Variants in SLC25A21 observed in about 807,000 individuals in gnomAD.
SLC25A21 encodes solute carrier family 25 member 21.
In SLC25A21, 47 loss-of-function variants were observed where a neutral mutation model predicts 43.8. The ratio of observed to expected loss-of-function variants is 1.07; its 90% confidence interval spans 0.85 to 1.37. The LOEUF (loss-of-function observed/expected upper bound fraction) is 1.37, where lower values mean the gene tolerates loss of function less well. Among genes scored for constraint, SLC25A21 ranks in the 40% most tolerant of loss-of-function variants. The probability of loss-of-function intolerance (pLI) is 0.00; values close to 1 mark genes in which losing one functional copy is unlikely to be tolerated. For missense variants in SLC25A21, 352 were observed against 350.2 expected (o/e 1.00, Z -0.04); for synonymous variants, 131 against 121.3 (o/e 1.08, Z -0.52).
chr14:36,889,121 C>T (rs1891007591), intron 1 of SLC25A21, among the ~76,000 whole-genome samples: 1 of 152,144 alleles, frequency 6.6e-6, no homozygotes, highest in African/African-American at 2.4e-5. Context: ...ACTTACTGAG[C>T]CAAGTATTCC....
At chr14:36,864,968 C>T (rs547472554) in intron 2 of SLC25A21, among the ~76,000 whole-genome samples, 1 of 151,982 alleles carries the variant, frequency 6.6e-6, no homozygotes, top group South Asian at 2.1e-4. Context: ...GTCTATACCC[C>T]ATCCTCACCT....
intron 1 of SLC25A21, among the ~76,000 whole-genome samples, chr14:37,141,546 G>A (rs1204648197): frequency 6.6e-6 from 1 of 151,804 alleles, no homozygotes; most frequent in South Asian, 2.1e-4. Flanking sequence ...TTTTGCTTTA[G>A]TGTAGCTTCC....
intron 1 of SLC25A21, among the ~76,000 whole-genome samples, chr14:37,115,560 C>T (rs1453302622): frequency 6.6e-6 from 1 of 152,142 alleles, no homozygotes; most frequent in African/African-American, 2.4e-5. Context: ...TTACTTTATG[C>T]AAAAACACTA....
At chr14:37,009,330 A>G (rs1387009648) in intron 1 of SLC25A21, among the ~76,000 whole-genome samples, 1 of 152,132 alleles carries the variant, frequency 6.6e-6, no homozygotes, top group African/African-American at 2.4e-5. Flanking sequence ...TACTAAAAAT[A>G]CAAAAATTAG....
intron 1 of SLC25A21, among the ~76,000 whole-genome samples, chr14:36,959,072 C>T (rs535344200): frequency 6.6e-6 from 1 of 152,200 alleles, no homozygotes; most frequent in East Asian, 1.9e-4. Context: ...ACTATCAGTG[C>T]AAATGTCTTA....
intron 3 of SLC25A21, among the ~76,000 whole-genome samples, chr14:36,810,889 G>T (rs1429523469): frequency 1.1e-5 from 1 of 94,564 alleles, no homozygotes; most frequent in Non-Finnish European, 2.5e-5. Flanking sequence ...AGAAAAGAGT[G>T]GGGGAAATAA....
chr14:36,856,953 C>T (rs969590347), intron 2 of SLC25A21, among the ~76,000 whole-genome samples: 1 of 152,224 alleles, frequency 6.6e-6, no homozygotes, highest in Admixed American at 6.5e-5. Context: ...ACTGCTGGTG[C>T]AAAAGGACAT....
At chr14:36,997,173 G>T (rs547488333) in intron 1 of SLC25A21, among the ~76,000 whole-genome samples, 3 of 152,072 alleles carry the variant, frequency 2.0e-5, no homozygotes, top group Non-Finnish European at 4.4e-5. Context: ...AATATTGTGG[G>T]TACAAAAATT....
rs529692041 is a variant in SLC25A21 at position 36,786,450 on chromosome 14, C to A, written c.203+27468G>T. Among the ~76,000 whole-genome samples, 3 of 152,314 alleles carry A rather than the reference C, an allele frequency of 2.0e-5. No individual in the cohort carries two copies. The East Asian group carries it at 5.8e-4, about 29-fold the overall frequency. On this transcript the variant is annotated intron_variant, in intron 3 of 9. Coordinates refer to ENST00000331299, the MANE Select transcript of SLC25A21 (RefSeq NM_030631.4). ...GCAATATTTCTGCAATTAGGACAGG[C>A]CCATTTAGAACAGGCCAATTAGAAC...
intron 2 of SLC25A21, among the ~76,000 whole-genome samples, chr14:36,849,220 C>T (rs533341854): frequency 1.3e-5 from 2 of 152,294 alleles, no homozygotes; most frequent in Non-Finnish European, 2.9e-5. Flanking sequence ...CCCTAGATAA[C>T]TCTCCTCTGA....
intron 1 of SLC25A21, among the ~76,000 whole-genome samples, chr14:37,056,400 G>C (rs1255453937): frequency 2.0e-5 from 3 of 151,304 alleles, no homozygotes; most frequent in Non-Finnish European, 4.4e-5. Flanking sequence ...TGAGGCAGGA[G>C]AATGGCGTGA....
chr14:37,101,900 T>C (rs73264172), intron 1 of SLC25A21, among the ~76,000 whole-genome samples: 6,184 of 152,260 alleles, frequency 0.041, 441 homozygotes, highest in African/African-American at 0.14. Flanking sequence ...CTGACTTTTA[T>C]TGACTTTGTT....
At chr14:36,993,390 A>G (rs1960304960) in intron 1 of SLC25A21, among the ~76,000 whole-genome samples, 1 of 152,068 alleles carries the variant, frequency 6.6e-6, no homozygotes, top group South Asian at 2.1e-4. Context: ...GATTTAATTG[A>G]GAAAATAATT....
At chr14:36,956,236 C>T (rs112705693) in intron 1 of SLC25A21, among the ~76,000 whole-genome samples, 2,224 of 152,290 alleles carry the variant, frequency 0.015, 37 homozygotes, top group Non-Finnish European at 0.021. Context: ...TCCCCGTCTG[C>T]TCTGGCTTTG....
At chr14:36,985,389 AAATAAT>A (rs145364520) in intron 1 of SLC25A21, among the ~76,000 whole-genome samples, 1 of 151,620 alleles carries the variant, frequency 6.6e-6, no homozygotes, top group African/African-American at 2.4e-5. Context: ...CCATGGTTAA[AAATAAT>A]AATAATAATA....
At chr14:37,023,208 G>A (rs1383462212) in intron 1 of SLC25A21, among the ~76,000 whole-genome samples, 1 of 152,004 alleles carries the variant, frequency 6.6e-6, no homozygotes, top group Non-Finnish European at 1.5e-5. Flanking sequence ...GGATCTAGCT[G>A]TCAATCTTTA....
chr14:36,913,766 T>G (rs953584838), intron 1 of SLC25A21, among the ~76,000 whole-genome samples: 1 of 152,234 alleles, frequency 6.6e-6, no homozygotes, highest in African/African-American at 2.4e-5. Flanking sequence ...TATTAAGTAT[T>G]AATTATCTTA....
At position 37,003,721 on chromosome 14, in the gene SLC25A21, C is replaced by T. The variant is rs527783821; in HGVS notation, c.71-128717G>A. Among the ~76,000 whole-genome samples, 2 of 152,214 alleles carry T rather than the reference C, an allele frequency of 1.3e-5. 1 individual carries two copies. Among genetic ancestry groups the T allele is most frequent in the African/African-American group, 4.8e-5 (2 of 41,542 alleles). ...AAAAAACAGCAAAACTAATCTCTGA[C>T]GTTAGAACAGTGGTTTCTCAGGCTT... On this transcript the variant is annotated intron_variant, in intron 1 of 9. Coordinates refer to ENST00000331299, the MANE Select transcript of SLC25A21 (RefSeq NM_030631.4).
intron 1 of SLC25A21, among the ~76,000 whole-genome samples, chr14:37,116,188 C>G (rs1028484519): frequency 6.6e-5 from 10 of 152,148 alleles, no homozygotes; most frequent in African/African-American, 2.4e-4. Flanking sequence ...ATGTAAGACA[C>G]TGTAAACTTC....
Sources: allele counts gnomAD v4.1 joint callset (sites outside exome capture counted in the v4.1 genomes callset), GRCh38; gene constraint gnomAD v4.1.1; transcripts MANE v1.5; gene names NCBI Gene and HGNC (gene_info 2026-07-23, HGNC 2026-07-21).